Variants in PRKDC observed in about 807,000 individuals in gnomAD.
PRKDC encodes the protein DNA-dependent protein kinase catalytic subunit.
Under a neutral mutation model 486.9 loss-of-function variants are expected in PRKDC, and 82 were observed. That is an observed-to-expected ratio of 0.17 (90% CI 0.14 to 0.20). PRKDC has a LOEUF of 0.20. Ranked by LOEUF, PRKDC falls within the 10% of genes least tolerant of loss-of-function variation. PRKDC has a pLI of 1.00. For missense variants in PRKDC, 4,504 were observed against 5,038.2 expected (o/e 0.89, Z 3.21); for synonymous variants, 1,895 against 1,837.0 (o/e 1.03, Z -0.81).
In PRKDC at chr8:47,789,068, AG is replaced by A. The variant is rs770408891; in HGVS notation, c.10759-20del. ...TCCAATCCTGTCAGGGGAAAAAAAA[AG>A]TAAGAAAAAAATCAAGCTAGATTGC... is the stretch of plus-strand genomic sequence containing the variant. On this transcript the variant is annotated intron_variant, in intron 75 of 85. Transcript: ENST00000314191. The A allele has an allele frequency of 6.2e-7, 1 of 1,611,724 alleles. No homozygotes were observed. Among genetic ancestry groups the A allele is most frequent in the Non-Finnish European group, 8.5e-7 (1 of 1,179,204 alleles).
intron 69 of PRKDC, among the ~76,000 whole-genome samples, chr8:47,806,893 A>G (rs1308649246): frequency 6.6e-6 from 1 of 152,198 alleles, no homozygotes; most frequent in African/African-American, 2.4e-5. Context: ...ACAGGCTCTC[A>G]TTCTGTTGCC....
At chr8:47,943,129 T>C in intron 10 of PRKDC, 80 bp downstream of exon 10, 1 of 1,454,348 alleles carries the variant, frequency 6.9e-7, no homozygotes, top group South Asian at 1.4e-5. Context: ...GTATTTATTT[T>C]CAAACATGCA....
chr8:47,922,243 C>T (rs2090083998), intron 21 of PRKDC, among the ~76,000 whole-genome samples: 1 of 152,104 alleles, frequency 6.6e-6, no homozygotes, highest in Non-Finnish European at 1.5e-5. Context: ...AGCAATCCTC[C>T]CACCTCAGCC....
chr8:47,933,810 T>A (rs1401086732), intron 15 of PRKDC, among the ~76,000 whole-genome samples, 155 bp downstream of exon 15: 1 of 152,260 alleles, frequency 6.6e-6, no homozygotes. Flanking sequence ...TCTAACTTCC[T>A]GATTCATACG....
chr8:47,892,161 C>T (rs143662847), intron 31 of PRKDC, among the ~76,000 whole-genome samples: 3,870 of 152,184 alleles, frequency 0.025, 71 homozygotes, highest in Non-Finnish European at 0.037. Flanking sequence ...TGAGCCACCG[C>T]GTCCGGCCAT....
rs1379506109 is a variant in PRKDC, at chr8:47,789,915, A to G, written c.10671-677T>C. On this transcript the variant is annotated intron_variant, in intron 74 of 85. Coordinates refer to ENST00000314191, the MANE Select transcript of PRKDC (RefSeq NM_006904.7). ...TCAAAAAATTAGGTATAGAAGGAAC[A>G]TATCTCAACACAATAAAAGCCATGT... 2.6e-5 allele frequency among the ~76,000 whole-genome samples: 4 copies of G among 152,348 alleles called. No homozygotes were observed. In the East Asian group the frequency reaches 7.7e-4, roughly 29 times the overall value.
intron 7 of PRKDC, among the ~76,000 whole-genome samples, chr8:47,949,052 G>C (rs1011589851): frequency 2.0e-5 from 3 of 152,322 alleles, no homozygotes; most frequent in African/African-American, 7.2e-5. Context: ...CCTTCCAAGA[G>C]GCTCTAGGGG....
Position 47,855,246 on chromosome 8 carries a change from T to C in PRKDC, c.6737A>G (p.Lys2246Arg), listed in dbSNP as rs753893209. 1.3e-5 allele frequency: 21 copies of C among 1,604,544 alleles called. No individual in the cohort carries two copies. Among genetic ancestry groups the C allele is most frequent in the Admixed American group, 1.0e-4 (6 of 58,740 alleles). ...EIIKTLVECW[K>R]DCLSIPYRLI... ...CCTATAAGGGATGGATAAACAATCC[T>C]TCCAGCACTCGACAAGGGTCTTTAT... The change falls in exon 50 of 86, where the codon AAG (lysine) becomes AGG (arginine). Residue 2246 changes from lysine (K) to arginine (R), a missense_variant. This residue lies in a region of PRKDC where 1,592 missense variants were observed against 1,724.6 expected (regional missense o/e 0.92). Transcript: ENST00000314191.
At position 47,834,236 on chromosome 8, in the gene PRKDC, C is replaced by G. The variant is rs941117344; in HGVS notation, c.8112G>C (p.Arg2704Ser). The change falls in exon 59 of 86, where the codon AGG becomes AGC. Residue 2704 changes from arginine (R) to serine (S), a missense_variant. By Grantham distance (110) the Arg-to-Ser change is moderately radical (BLOSUM62 -1). Transcript: ENST00000314191. The part of the protein sequence containing the change: ...KSVGPDFGKK[R>S]LGLPGDEVDN... ...CCACCTCGTCCCCTGGAAGGCCCAGCCTTTTTTTCCCAAAATCAGGCCCCA... is the reference window on the plus strand; with the variant it reads ...CCACCTCGTCCCCTGGAAGGCCCAGGCTTTTTTTCCCAAAATCAGGCCCCA... 1 of 1,614,044 alleles carries G rather than the reference C, an allele frequency of 6.2e-7. No individual in the cohort carries two copies. Among genetic ancestry groups the G allele is most frequent in the Non-Finnish European group, 8.5e-7 (1 of 1,179,900 alleles).
intron 7 of PRKDC, among the ~76,000 whole-genome samples, chr8:47,945,327 G>A (rs1390403924): frequency 6.6e-6 from 1 of 152,144 alleles, no homozygotes; most frequent in Non-Finnish European, 1.5e-5. Flanking sequence ...TATTCACACT[G>A]TTGTGTAACC....
rs767690907 is a variant in PRKDC at position 47,943,805 on chromosome 8, T to C, written c.808+48A>G. On this transcript the variant is annotated intron_variant, in intron 9 of 85. Transcript: ENST00000314191. ...TTAAGCAAAAGCTTACTTGAGATGT[T>C]AATTTAGTAATCTAAAATATTATAC... is the stretch of plus-strand genomic sequence containing the variant. 7.7e-6 allele frequency: 11 copies of C among 1,433,008 alleles called. No individual in the cohort carries two copies. In the South Asian group the frequency reaches 1.0e-4, roughly 13 times the overall value. The allele number at this position is 1,433,008 out of a possible 1,614,324, so 88.8% of individuals were successfully genotyped here. A position where few individuals can be genotyped will look rare whatever the true frequency, so the allele number is the denominator to read the frequency against.
chr8:47,869,433 C>T (rs749277538), intron 40 of PRKDC, among the ~76,000 whole-genome samples: 1 of 151,698 alleles, frequency 6.6e-6, no homozygotes, highest in Non-Finnish European at 1.5e-5. Flanking sequence ...AGAAGGGAAC[C>T]TGCTGCCTTG....
At chr8:47,868,810 C>T (rs2088876979) in intron 40 of PRKDC, among the ~76,000 whole-genome samples, 1 of 152,206 alleles carries the variant, frequency 6.6e-6, no homozygotes, top group Non-Finnish European at 1.5e-5. Context: ...CTACACCACT[C>T]CTTCCTCATC....
At chr8:47,934,644 A>C (rs2090317010) in intron 14 of PRKDC, among the ~76,000 whole-genome samples, 1 of 152,246 alleles carries the variant, frequency 6.6e-6, no homozygotes, top group Admixed American at 6.5e-5. Context: ...TGAATGTGCT[A>C]TCATCATTTA....
rs145539145 is a variant in PRKDC at position 47,883,832 on chromosome 8, C to T, written c.4777-1735G>A. ...TGCCACAGTTGCCTGTGTCCCGCTA[C>T]GCCCTCTGGCGTCCCTTTCCTCAGG... On this transcript the variant is annotated intron_variant, in intron 36 of 85. Coordinates refer to ENST00000314191, the MANE Select transcript of PRKDC (RefSeq NM_006904.7). 7.4e-4 allele frequency among the ~76,000 whole-genome samples: 112 copies of T among 152,364 alleles called. 1 individual carries two copies. The Middle Eastern group carries it at 0.014, about 19-fold the overall frequency.
intron 40 of PRKDC, among the ~76,000 whole-genome samples, chr8:47,876,786 C>A (rs921650380): frequency 6.6e-6 from 1 of 152,042 alleles, no homozygotes; most frequent in African/African-American, 2.4e-5. Context: ...CACTGTAATT[C>A]CAGGCACTAA....
chr8:47,862,148 A>G, intron 43 of PRKDC, 21 bp from the exon 44 acceptor site: 1 of 1,531,558 alleles, frequency 6.5e-7, no homozygotes, highest in Non-Finnish European at 8.8e-7. Context: ...AAAGAATCAT[A>G]TAAAAATAGC....
intron 76 of PRKDC, among the ~76,000 whole-genome samples, chr8:47,785,580 A>G (rs2154497635): frequency 6.6e-6 from 1 of 152,260 alleles, no homozygotes; most frequent in South Asian, 2.1e-4. Context: ...CAAAAAATAA[A>G]AACATTAGCT....
chr8:47,941,711 T>C (rs1316761753), intron 10 of PRKDC, among the ~76,000 whole-genome samples: 4 of 152,222 alleles, frequency 2.6e-5, no homozygotes, highest in South Asian at 2.1e-4. Context: ...TGAGGGTATA[T>C]TGCAAACTCC....
Sources: gnomAD v4.1 joint callset for allele counts (sites outside exome capture counted in the v4.1 genomes callset) on GRCh38, gnomAD v4.1.1 for gene constraint, gnomAD v4.1.1 regional missense constraint, MANE v1.5 for transcripts, NCBI Gene and HGNC (gene_info 2026-07-23, HGNC 2026-07-21) for gene names.